The following THADA variants were observed in gnomAD, a reference collection of about 807,000 sequenced individuals.
The protein encoded by THADA is THADA armadillo repeat containing, also known as tRNA (32-2'-O)-methyltransferase regulator THADA.
Under a neutral mutation model 219.8 loss-of-function variants are expected in THADA, and 213 were observed. That is an observed-to-expected ratio of 0.97 (90% CI 0.87 to 1.09). The LOEUF is 1.09. Ranked by LOEUF, THADA falls within the 50% of genes least tolerant of loss-of-function variation. The probability of loss-of-function intolerance (pLI) is 0.00; values close to 1 mark genes in which losing one functional copy is unlikely to be tolerated. For synonymous variants in THADA, 1,018 were observed against 828.9 expected (o/e 1.23, Z -3.92); for missense variants, 2,956 against 2,311.3 (o/e 1.28, Z -5.72).
chr2:43,494,961 ATG>A (rs1403936859), intron 25 of THADA, among the ~76,000 whole-genome samples: 3 of 152,222 alleles, frequency 2.0e-5, no homozygotes, highest in African/African-American at 7.2e-5. Context: ...TTCATTTTAC[ATG>A]TGTGTTTTCC....
chr2:43,275,425 A>T (rs936711137), intron 36 of THADA, among the ~76,000 whole-genome samples: 6 of 152,306 alleles, frequency 3.9e-5, no homozygotes, highest in Admixed American at 2.0e-4. Context: ...TGCCAGGAAA[A>T]GCAAGAAGCC....
intron 29 of THADA, among the ~76,000 whole-genome samples, chr2:43,372,963 T>C (rs1670974248): frequency 6.6e-6 from 1 of 152,036 alleles, no homozygotes; most frequent in Non-Finnish European, 1.5e-5. Context: ...AGTGCAGGGA[T>C]TACAGGCATG....
At chr2:43,308,254 T>G (rs563485887) in intron 31 of THADA, among the ~76,000 whole-genome samples, 3 of 150,940 alleles carry the variant, frequency 2.0e-5, no homozygotes, top group Non-Finnish European at 4.4e-5. Context: ...GAATTTAGAG[T>G]CACAAAAGTT....
At chr2:43,521,967 G>C (rs1355046064) in intron 22 of THADA, among the ~76,000 whole-genome samples, 1 of 152,136 alleles carries the variant, frequency 6.6e-6, no homozygotes, top group African/African-American at 2.4e-5. Flanking sequence ...ATTGCTAACT[G>C]AGAAATGTCA....
intron 26 of THADA, among the ~76,000 whole-genome samples, chr2:43,468,656 T>C (rs968710466): frequency 6.6e-6 from 1 of 152,078 alleles, no homozygotes; most frequent in Non-Finnish European, 1.5e-5. Flanking sequence ...GGGCAAAAAA[T>C]TTAAAATACA....
intron 24 of THADA, among the ~76,000 whole-genome samples, chr2:43,499,189 T>C (rs72865267): frequency 0.14 from 21,308 of 152,162 alleles, 1,985 homozygotes; most frequent in African/African-American, 0.26. Context: ...AATGGACATA[T>C]GTAGAAGCCT....
At chr2:43,293,437 C>T (rs1201211073) in intron 31 of THADA, among the ~76,000 whole-genome samples, 1 of 152,082 alleles carries the variant, frequency 6.6e-6, no homozygotes, top group African/African-American at 2.4e-5. Flanking sequence ...GGCACAAAGG[C>T]ATTACTATTA....
At chr2:43,235,453 C>G (rs1667930096) in intron 36 of THADA, among the ~76,000 whole-genome samples, 1 of 151,712 alleles carries the variant, frequency 6.6e-6, no homozygotes, top group Non-Finnish European at 1.5e-5. Context: ...GCCACCACAC[C>G]CGGCTAATTT....
intron 30 of THADA, among the ~76,000 whole-genome samples, chr2:43,336,289 T>A (rs892820717): frequency 6.6e-5 from 10 of 151,878 alleles, no homozygotes; most frequent in Non-Finnish European, 1.5e-4. Flanking sequence ...TGTTTGTTTT[T>A]GAGACAGAGT....
At chr2:43,362,400 G>A (rs1669633022) in intron 29 of THADA, among the ~76,000 whole-genome samples, 1 of 152,120 alleles carries the variant, frequency 6.6e-6, no homozygotes, top group Admixed American at 6.5e-5. Flanking sequence ...CGTGTTGTTA[G>A]GCGATTTCAT....
At chr2:43,244,993 G>A (rs1187546646) in intron 36 of THADA, among the ~76,000 whole-genome samples, 1 of 152,186 alleles carries the variant, frequency 6.6e-6, no homozygotes, top group East Asian at 1.9e-4. Flanking sequence ...TGGGCAACCT[G>A]AGGTCTGCCT....
intron 36 of THADA, among the ~76,000 whole-genome samples, chr2:43,262,340 T>G (rs1393113689): frequency 1.3e-5 from 2 of 152,204 alleles, no homozygotes; most frequent in African/African-American, 4.8e-5. Flanking sequence ...GTTATGAGGA[T>G]GAGCTAGCTA....
chr2:43,485,503 G>A (rs1158540404), intron 25 of THADA, among the ~76,000 whole-genome samples, 178 bp from the exon 26 acceptor site: 1 of 151,958 alleles, frequency 6.6e-6, no homozygotes, highest in Non-Finnish European at 1.5e-5. Context: ...TCGATTCAAT[G>A]ACTTCAATTG....
chr2:43,594,063 T>G (rs978234643), intron 1 of THADA, among the ~76,000 whole-genome samples: 1 of 152,076 alleles, frequency 6.6e-6, no homozygotes, highest in Non-Finnish European at 1.5e-5. Flanking sequence ...ACAAAGAAAT[T>G]TTCCAACACC....
chr2:43,570,327 C>T, intron 14 of THADA, 61 bp downstream of exon 14: 2 of 1,461,670 alleles, frequency 1.4e-6, no homozygotes, highest in Non-Finnish European at 1.9e-6. Context: ...CCCTTTAATG[C>T]TTATTCATAA....
chr2:43,284,692 G>A (rs190239711), intron 35 of THADA, among the ~76,000 whole-genome samples: 98 of 152,314 alleles, frequency 6.4e-4, no homozygotes, highest in African/African-American at 2.3e-3. Flanking sequence ...GCGAGAAGAG[G>A]ACCACCGTCC....
chr2:43,389,059 C>T (rs1417837831), intron 29 of THADA, among the ~76,000 whole-genome samples: 3 of 152,162 alleles, frequency 2.0e-5, no homozygotes, highest in Non-Finnish European at 4.4e-5. Flanking sequence ...CGCATATTAA[C>T]TCATTTAATC....
At chr2:43,527,202 G>A (rs1255845483) in intron 22 of THADA, among the ~76,000 whole-genome samples, 1 of 152,122 alleles carries the variant, frequency 6.6e-6, no homozygotes, top group African/African-American at 2.4e-5. Context: ...AAAGTTTCCA[G>A]GCAATGGAAA....
rs572645487 is a variant in THADA, at chr2:43,468,774, A to C, written c.3836+16460T>G. Among the ~76,000 whole-genome samples the C allele has an allele frequency of 1.4e-4, 21 of 152,328 alleles. No homozygotes were observed. In the Middle Eastern group the frequency reaches 0.01, roughly 74 times the overall value. On this transcript the variant is annotated intron_variant, in intron 26 of 37. Coordinates refer to ENST00000405975, the MANE Select transcript of THADA (RefSeq NM_022065.5). The stretch of plus-strand genomic sequence containing the variant: ...ATACAGAATCTGGGGCACATCAGGA[A>C]GGGTCCTAAGGAAAGGAAGACCAAG...
Sources: allele counts gnomAD v4.1 joint callset (sites outside exome capture counted in the v4.1 genomes callset), GRCh38; gene constraint gnomAD v4.1.1; transcripts MANE v1.5; gene names NCBI Gene and HGNC (gene_info 2026-07-23, HGNC 2026-07-21).